The following KCNB2 variants were observed in gnomAD, a reference collection of about 807,000 sequenced individuals.
The protein encoded by KCNB2 is potassium voltage-gated channel subfamily B member 2, also known as delayed rectifier potassium channel protein.
A neutral mutation model predicts 61.5 loss-of-function variants in KCNB2; 15 were observed. The observed-to-expected ratio is 0.24, with a 90% CI of 0.16 to 0.38. The LOEUF (loss-of-function observed/expected upper bound fraction) is 0.38, where lower values mean the gene tolerates loss of function less well. Among genes scored for constraint, KCNB2 ranks in the 10% least tolerant of loss-of-function variants. KCNB2 has a pLI of 1.00. For missense variants in KCNB2, 828 were observed against 1,125.2 expected (o/e 0.74, Z 3.78); for synonymous variants, 457 against 446.0 (o/e 1.02, Z -0.31).
intron 2 of KCNB2, among the ~76,000 whole-genome samples, chr8:72,785,580 C>T (rs1455467217): frequency 1.3e-5 from 2 of 152,006 alleles, no homozygotes; most frequent in African/African-American, 4.8e-5. Flanking sequence ...TTGTTTTGCC[C>T]TAAGAGAGAT....
intron 2 of KCNB2, among the ~76,000 whole-genome samples, chr8:72,849,163 A>C (rs867282295): frequency 7.9e-6 from 1 of 126,314 alleles, no homozygotes; most frequent in African/African-American, 3.6e-5. Flanking sequence ...AATTTTTTTT[A>C]TTTTACAATA....
At chr8:72,921,857 C>T (rs77625604) in intron 2 of KCNB2, among the ~76,000 whole-genome samples, 8,172 of 152,246 alleles carry the variant, frequency 0.054, 323 homozygotes, top group Non-Finnish European at 0.076. Context: ...GACTAAGGTT[C>T]CAAACCCCTA....
intron 2 of KCNB2, among the ~76,000 whole-genome samples, chr8:72,571,053 G>A (rs1806700065): frequency 6.6e-6 from 1 of 152,058 alleles, no homozygotes; most frequent in Non-Finnish European, 1.5e-5. Flanking sequence ...ATAGATTCCT[G>A]TAATGAAGAA....
chr8:72,873,104 A>G (rs1805644883), intron 2 of KCNB2, among the ~76,000 whole-genome samples: 1 of 152,186 alleles, frequency 6.6e-6, no homozygotes. Context: ...ACTCCCAGCC[A>G]CTTCCTTGTC....
At chr8:72,793,794 T>A (rs973306386) in intron 2 of KCNB2, among the ~76,000 whole-genome samples, 2 of 152,230 alleles carry the variant, frequency 1.3e-5, no homozygotes, top group Admixed American at 6.5e-5. Flanking sequence ...ATACACTGCA[T>A]GAACTAATCC....
rs1563523596 is a variant in KCNB2, at chr8:72,561,772, TATATGGATATATATATAC to T, written c.-93-5865_-93-5848del. ...GTATATATATATATGGATATATATA[TATATGGATATATATATAC>T]ATATATATATATATGAATGATAGTT... On this transcript the variant is annotated intron_variant, in intron 1 of 2. Transcript: ENST00000523207. Among the ~76,000 whole-genome samples the T allele has an allele frequency of 5.5e-3, 137 of 24,700 alleles. 13 individuals carry two copies. Among genetic ancestry groups the T allele is most frequent in the African/African-American group, 0.022 (132 of 6,032 alleles). 16.2% of individuals were successfully genotyped at this position (24,700 alleles called of 152,430 possible). A position where few individuals can be genotyped will look rare whatever the true frequency, so the allele number is the denominator to read the frequency against.
intron 2 of KCNB2, among the ~76,000 whole-genome samples, chr8:72,667,937 CT>C (rs752409221): frequency 7.2e-5 from 11 of 152,242 alleles, no homozygotes; most frequent in Admixed American, 2.6e-4. Flanking sequence ...CTCTCACTGA[CT>C]GTGTTGGGGG....
intron 2 of KCNB2, among the ~76,000 whole-genome samples, chr8:72,682,316 T>G (rs1806772910): frequency 6.6e-6 from 1 of 152,116 alleles, no homozygotes; most frequent in Admixed American, 6.6e-5. Context: ...AAAGAATATC[T>G]TATACTTTTC....
intron 2 of KCNB2, among the ~76,000 whole-genome samples, chr8:72,572,807 C>T (rs1194848450): frequency 1.3e-5 from 2 of 152,180 alleles, no homozygotes; most frequent in Non-Finnish European, 2.9e-5. Context: ...TTTATTCCTT[C>T]TCACTAGCAC....
At chr8:72,777,846 A>T (rs1220588843) in intron 2 of KCNB2, among the ~76,000 whole-genome samples, 1 of 152,138 alleles carries the variant, frequency 6.6e-6, no homozygotes, top group Non-Finnish European at 1.5e-5. Context: ...ATGTTTTTGG[A>T]ATTTATACAT....
intron 2 of KCNB2, among the ~76,000 whole-genome samples, chr8:72,697,351 A>T (rs147015784): frequency 0.015 from 2,282 of 152,142 alleles, 46 homozygotes; most frequent in African/African-American, 0.053. Flanking sequence ...TAATATTTCT[A>T]CTTTTACCTG....
At chr8:72,688,134 C>G in intron 2 of KCNB2, among the ~76,000 whole-genome samples, 1 of 152,206 alleles carries the variant, frequency 6.6e-6, no homozygotes, top group East Asian at 1.9e-4. Context: ...AAAGCATATC[C>G]TGGAATCTGT....
In KCNB2 at chr8:72,832,623, C is replaced by A. The variant is rs986716816; in HGVS notation, c.580-103312C>A. Reference sequence around the variant, plus strand: ...AGCTGTAAAGGGTCTGAGACTTAACCCGCTTCCAAGCTATCAAGTTAGCAT... The same window carrying A: ...AGCTGTAAAGGGTCTGAGACTTAACACGCTTCCAAGCTATCAAGTTAGCAT... On this transcript the variant is annotated intron_variant, in intron 2 of 2. Coordinates refer to ENST00000523207, the MANE Select transcript of KCNB2 (RefSeq NM_004770.3). Among the ~76,000 whole-genome samples the A allele has an allele frequency of 9.9e-5, 15 of 152,150 alleles. No individual in the cohort carries two copies. In the East Asian group the frequency reaches 2.9e-3, roughly 29 times the overall value.
intron 2 of KCNB2, among the ~76,000 whole-genome samples, chr8:72,739,008 T>A (rs1471991442): frequency 1.3e-5 from 2 of 152,168 alleles, no homozygotes; most frequent in East Asian, 3.9e-4. Flanking sequence ...AAGATTCTTT[T>A]CTTTCTCTTT....
rs144535091 is a variant in KCNB2 at position 72,788,377 on chromosome 8, T to C, written c.580-147558T>C. On this transcript the variant is annotated intron_variant, in intron 2 of 2. Coordinates refer to ENST00000523207, the MANE Select transcript of KCNB2 (RefSeq NM_004770.3). ...TTCTGTCCTCATAAGGCATTTTCTTTGTGCGCACATAAAGAAAAGGAGTCC... is the reference window on the plus strand; with the variant it reads ...TTCTGTCCTCATAAGGCATTTTCTTCGTGCGCACATAAAGAAAAGGAGTCC... 2.4e-3 allele frequency among the ~76,000 whole-genome samples: 372 copies of C among 152,260 alleles called. 1 individual carries two copies. The highest frequency in any genetic ancestry group is 4.0e-3 in the Non-Finnish European group (272 of 68,008).
intron 2 of KCNB2, among the ~76,000 whole-genome samples, chr8:72,584,200 A>G (rs1203631303): frequency 6.6e-6 from 1 of 152,120 alleles, no homozygotes; most frequent in Non-Finnish European, 1.5e-5. Flanking sequence ...TTTTAAGGGC[A>G]TTTAAAGAGG....
chr8:72,631,754 A>G (rs1307710716), intron 2 of KCNB2, among the ~76,000 whole-genome samples: 1 of 152,188 alleles, frequency 6.6e-6, no homozygotes, highest in African/African-American at 2.4e-5. Flanking sequence ...TAAATATTTC[A>G]TTCCTTTTGA....
At chr8:72,819,867 A>G (rs1563394460) in intron 2 of KCNB2, among the ~76,000 whole-genome samples, 1 of 152,274 alleles carries the variant, frequency 6.6e-6, no homozygotes, top group East Asian at 1.9e-4. Flanking sequence ...TATCAAATAA[A>G]GTGCAAACTG....
chr8:72,584,166 G>T (rs905057296), intron 2 of KCNB2, among the ~76,000 whole-genome samples: 1 of 151,544 alleles, frequency 6.6e-6, no homozygotes, highest in East Asian at 1.9e-4. Flanking sequence ...AGTAAAACCA[G>T]GCACAGACAG....
Sources: gnomAD v4.1 joint callset for allele counts (sites outside exome capture counted in the v4.1 genomes callset) on GRCh38, gnomAD v4.1.1 for gene constraint, MANE v1.5 for transcripts, NCBI Gene and HGNC (gene_info 2026-07-23, HGNC 2026-07-21) for gene names.